Variants in UBR2 observed in about 807,000 individuals in gnomAD.
UBR2 encodes the protein E3 ubiquitin-protein ligase UBR2.
Under a neutral mutation model 247.9 loss-of-function variants are expected in UBR2, and 92 were observed. That is an observed-to-expected ratio of 0.37 (90% CI 0.31 to 0.44). The LOEUF (loss-of-function observed/expected upper bound fraction) is 0.44. Ranked by LOEUF, UBR2 falls within the 20% of genes least tolerant of loss-of-function variation. The probability of loss-of-function intolerance (pLI) is 1.00; values close to 1 mark genes in which losing one functional copy is unlikely to be tolerated. For synonymous variants in UBR2, 672 were observed against 693.5 expected, an observed-to-expected ratio of 0.97 and a Z score of 0.49; for missense variants, 1,613 against 2,112.6, an observed-to-expected ratio of 0.76 and a Z score of 4.64.
In UBR2 at chr6:42,689,490, A is replaced by T; in HGVS notation, c.5025-79A>T. The T allele has an allele frequency of 7.5e-7, 1 of 1,332,154 alleles. No individual in the cohort carries two copies. Among genetic ancestry groups the T allele is most frequent in the South Asian group, 1.2e-5 (1 of 84,582 alleles). The allele number at this position is 1,332,154 out of a possible 1,614,324, so 82.5% of individuals were successfully genotyped here. A position where few individuals can be genotyped will look rare whatever the true frequency, so the allele number is the denominator to read the frequency against. On this transcript the variant is annotated intron_variant, in intron 45 of 46. Transcript: ENST00000372901. This position sits in a 1 kb window ranked among gnomAD's most constrained non-coding sequence, Gnocchi z 4.0. The stretch of plus-strand genomic sequence containing the variant: ...GTGGTTTAAATATCAGTACTATAAG[A>T]CTTCATTCTATTTGGAACTGAATAC...
chr6:42,680,502 C>A (rs527598749), intron 42 of UBR2, among the ~76,000 whole-genome samples: 4 of 152,252 alleles, frequency 2.6e-5, no homozygotes, highest in Admixed American at 1.3e-4. Context: ...TGCCTTTGAA[C>A]TCCTGGGCTG....
rs1386447804 is a variant in UBR2 at position 42,659,516 on chromosome 6, TATATAC to T, written c.3243-138_3243-133del. ...CTCTGTCTCAAAAAATAAATAAATATATATACACACACACACACACACACACACACA... is the reference window on the plus strand; with the variant it reads ...CTCTGTCTCAAAAAATAAATAAATATACACACACACACACACACACACACA... On this transcript the variant is annotated intron_variant, in intron 29 of 46. Coordinates refer to ENST00000372901, the MANE Select transcript of UBR2 (RefSeq NM_001363705.2). This position sits in a 1 kb window ranked among gnomAD's most constrained non-coding sequence, Gnocchi z 4.3. 54 of 509,998 alleles carry T rather than the reference TATATAC, an allele frequency of 1.1e-4. No homozygotes were observed. The African/African-American group carries it at 1.3e-3, about 12-fold the overall frequency. The allele number at this position is 509,998 out of a possible 1,614,324, so 31.6% of individuals were successfully genotyped here. A position where few individuals can be genotyped will look rare whatever the true frequency, so the allele number is the denominator to read the frequency against.
At chr6:42,589,859 C>T (rs1792538687) in intron 2 of UBR2, among the ~76,000 whole-genome samples, 1 of 152,032 alleles carries the variant, frequency 6.6e-6, no homozygotes, top group East Asian at 1.9e-4. Context: ...TATCTATGTA[C>T]CTTGTGTGAA....
rs976812784 is a variant in UBR2 at position 42,637,114 on chromosome 6, G to C, written c.1778G>C (p.Gly593Ala). The C allele has an allele frequency of 6.2e-7, 1 of 1,614,118 alleles. No homozygotes were observed. Among genetic ancestry groups the C allele is most frequent in the East Asian group, 2.2e-5 (1 of 44,876 alleles). Residue 593 changes from glycine to alanine, a missense_variant, in exon 15 of 47, where the codon GGA becomes GCA. By Grantham distance (60) the Gly-to-Ala change is moderately conservative (BLOSUM62 0). Transcript: ENST00000372901. Reference sequence around the variant, plus strand: ...CAGCCAATCACACTAAGCATTTGTGGACATTCAGTGGAAACTATCAGATAC... The same window carrying C: ...CAGCCAATCACACTAAGCATTTGTGCACATTCAGTGGAAACTATCAGATAC... ...GEQPITLSIC[G>A]HSVETIRYCV...
intron 11 of UBR2, among the ~76,000 whole-genome samples, chr6:42,626,104 G>A (rs567515148): frequency 1.6e-4 from 24 of 152,178 alleles, no homozygotes; most frequent in East Asian, 3.9e-4. Context: ...GTGAGCCACC[G>A]TGAGCTGCCT....
intron 15 of UBR2, among the ~76,000 whole-genome samples, chr6:42,637,750 G>A (rs1796190047): frequency 6.6e-6 from 1 of 152,146 alleles, no homozygotes; most frequent in South Asian, 2.1e-4. Context: ...TGATTTACAA[G>A]CCACTTGTAA....
Position 42,640,238 on chromosome 6 carries a change from G to A in UBR2, c.1888G>A (p.Val630Met). ...ACATGTATTATTAAGCAAAAGTGAA[G>A]TGGCATATAAATTTCCAGAGCTCCT... ...GLHVLLSKSEVAYKFPELLPL... is the reference protein window; with the variant it reads ...GLHVLLSKSEMAYKFPELLPL... The change falls in exon 16 of 47, where the codon GTG (valine) becomes ATG (methionine). Residue 630 changes from valine (V) to methionine (M), a missense_variant. This residue lies in a region of UBR2 where 1,524 missense variants were observed against 1,967.3 expected (regional missense o/e 0.77). Transcript: ENST00000372901. 6.2e-7 allele frequency: 1 copy of A among 1,607,348 alleles called. No individual in the cohort carries two copies. The highest frequency in any genetic ancestry group is 8.5e-7 in the Non-Finnish European group (1 of 1,177,832).
At position 42,617,428 on chromosome 6, in the gene UBR2, G is replaced by T. The variant is rs1794631448; in HGVS notation, c.1202G>T (p.Ser401Ile). The change falls in exon 11 of 47, where the codon AGT becomes ATT. Residue 401 changes from serine to isoleucine, a missense_variant. This residue lies in a region of UBR2 where 1,524 missense variants were observed against 1,967.3 expected (regional missense o/e 0.77). Coordinates refer to ENST00000372901, the MANE Select transcript of UBR2 (RefSeq NM_001363705.2). ...RFAKNYERLQSDYVTDDHDRE... is the reference protein window; with the variant it reads ...RFAKNYERLQIDYVTDDHDRE... The stretch of plus-strand genomic sequence containing the variant: ...TAATAGAACTATGAGCGTTTGCAGA[G>T]TGATTATGTGACAGATGACCACGAC... The T allele has an allele frequency of 1.3e-6, 2 of 1,587,406 alleles. No homozygotes were observed. The highest frequency in any genetic ancestry group is 8.6e-7 in the Non-Finnish European group (1 of 1,166,172).
At chr6:42,625,827 T>C (rs1360662102) in intron 11 of UBR2, among the ~76,000 whole-genome samples, 6 of 151,856 alleles carry the variant, frequency 4.0e-5, no homozygotes, top group South Asian at 4.2e-4. Flanking sequence ...CCTTTTTTTT[T>C]TTTTGAGGCG....
chr6:42,569,503 T>TATTTGAAAATATTCTCCTTA (rs1790983759), intron 1 of UBR2, among the ~76,000 whole-genome samples: 1 of 152,240 alleles, frequency 6.6e-6, no homozygotes, highest in South Asian at 2.1e-4. Context: ...TTCTATATTT[T>TATTTGAAAATATTCTCCTTA]ATTTGTAAAT....
chr6:42,690,667 T>G (rs1196120403), intron 46 of UBR2, among the ~76,000 whole-genome samples: 3 of 152,220 alleles, frequency 2.0e-5, no homozygotes, highest in Non-Finnish European at 4.4e-5. Flanking sequence ...ATTCTTCTTT[T>G]GTGTTCTCCT....
At chr6:42,625,362 T>A (rs533394739) in intron 11 of UBR2, among the ~76,000 whole-genome samples, 32 of 152,330 alleles carry the variant, frequency 2.1e-4, no homozygotes, top group African/African-American at 7.7e-4. Flanking sequence ...TTCTATTTAA[T>A]ACATTTCAGA....
chr6:42,611,467 A>G (rs953338856), intron 7 of UBR2, among the ~76,000 whole-genome samples: 1 of 151,706 alleles, frequency 6.6e-6, no homozygotes, highest in Non-Finnish European at 1.5e-5. Flanking sequence ...CTCAAAAAAA[A>G]AAAAAAAGTT....
At chr6:42,574,600 G>C (rs1791376689) in intron 2 of UBR2, among the ~76,000 whole-genome samples, 1 of 152,018 alleles carries the variant, frequency 6.6e-6, no homozygotes, top group South Asian at 2.1e-4. Context: ...AAGGGTAGAA[G>C]ATGGAGAATA....
intron 38 of UBR2, among the ~76,000 whole-genome samples, chr6:42,674,708 C>T (rs1798626127): frequency 6.6e-6 from 1 of 151,454 alleles, no homozygotes; most frequent in Non-Finnish European, 1.5e-5. Context: ...GTTGCAGTGA[C>T]CAAGATTGCA....
chr6:42,664,997 A>G (rs1336873394), intron 32 of UBR2, among the ~76,000 whole-genome samples: 1 of 152,192 alleles, frequency 6.6e-6, no homozygotes, highest in East Asian at 1.9e-4. Context: ...TAGGAATACA[A>G]CCTATGCAAA....
chr6:42,628,784 C>G (rs1250079146), intron 11 of UBR2, among the ~76,000 whole-genome samples: 1 of 149,798 alleles, frequency 6.7e-6, no homozygotes, highest in Non-Finnish European at 1.5e-5. Context: ...GATAGTTGTT[C>G]TAATTTATTA....
At position 42,573,993 on chromosome 6, in the gene UBR2, G is replaced by T; in HGVS notation, c.338G>T (p.Arg113Ile). ...GTAGGAGAGCCTACATATTCTTGCA[G>T]GTAAAATATTTTAATTTTCTTTCTA... ...FKVGEPTYSC[R>I]DCAVDPTCVL... The change falls in exon 2 of 47, where the codon AGA (arginine) becomes ATA (isoleucine). Residue 113 changes from arginine to isoleucine, a missense_variant and splice_region_variant. Arg to Ile is a moderately conservative substitution (Grantham distance 97). This residue lies in a region of UBR2 where 1,524 missense variants were observed against 1,967.3 expected (regional missense o/e 0.77). Coordinates refer to ENST00000372901, the MANE Select transcript of UBR2 (RefSeq NM_001363705.2). 6.4e-7 allele frequency: 1 copy of T among 1,553,964 alleles called. No homozygotes were observed.
intron 24 of UBR2, among the ~76,000 whole-genome samples, 183 bp from the exon 25 acceptor site, chr6:42,652,308 T>C (rs1195687490): frequency 6.6e-6 from 1 of 152,206 alleles, no homozygotes; most frequent in African/African-American, 2.4e-5. Flanking sequence ...AAGATAGACT[T>C]TCTTCTGTAC....
Sources: allele counts gnomAD v4.1 joint callset (sites outside exome capture counted in the v4.1 genomes callset), GRCh38; gene constraint gnomAD v4.1.1; regional missense constraint gnomAD v4.1.1; non-coding constraint Gnocchi (gnomAD v3.1); transcripts MANE v1.5; gene names NCBI Gene and HGNC (gene_info 2026-07-23, HGNC 2026-07-21).